The following ZBTB7C variants were observed in gnomAD, a reference collection of about 807,000 sequenced individuals.
ZBTB7C encodes the protein zinc finger and BTB domain containing 7C, also known as zinc finger and BTB domain-containing protein 7C.
In ZBTB7C, 8 loss-of-function variants were observed where a neutral mutation model predicts 25.7. That is an observed-to-expected ratio of 0.31 (90% CI 0.18 to 0.56). The LOEUF (loss-of-function observed/expected upper bound fraction) is 0.56. ZBTB7C is among the 20% of genes least tolerant of loss of function. The probability of loss-of-function intolerance (pLI) is 0.91; values close to 1 mark genes in which losing one functional copy is unlikely to be tolerated. For missense variants in ZBTB7C, 824 were observed against 855.2 expected, an observed-to-expected ratio of 0.96 and a Z score of 0.46; for synonymous variants, 394 against 369.0, an observed-to-expected ratio of 1.07 and a Z score of -0.78.
At chr18:48,146,022 C>T (rs1365893468) in intron 3 of ZBTB7C, among the ~76,000 whole-genome samples, 2 of 152,060 alleles carry the variant, frequency 1.3e-5, no homozygotes, top group Non-Finnish European at 2.9e-5. Context: ...TACGATTATA[C>T]ATTTTGTATT....
intron 3 of ZBTB7C, among the ~76,000 whole-genome samples, chr18:48,133,558 T>G (rs1359525544): frequency 6.6e-6 from 1 of 151,962 alleles, no homozygotes; most frequent in African/African-American, 2.4e-5. Context: ...ACATGCAGAA[T>G]GTATGATATA....
intron 1 of ZBTB7C, among the ~76,000 whole-genome samples, chr18:48,350,324 C>T (rs1311812918): frequency 6.6e-6 from 1 of 152,186 alleles, no homozygotes; most frequent in Non-Finnish European, 1.5e-5. Context: ...GGCTGGTGCA[C>T]CTTCCTCCAT....
At chr18:48,074,836 C>T (rs1025246712) in intron 3 of ZBTB7C, among the ~76,000 whole-genome samples, 8 of 152,172 alleles carry the variant, frequency 5.3e-5, no homozygotes, top group Non-Finnish European at 8.8e-5. Context: ...GGATCAAGGA[C>T]GCTTGGCTTA....
At chr18:48,181,022 G>C (rs963046309) in intron 3 of ZBTB7C, among the ~76,000 whole-genome samples, 1 of 152,206 alleles carries the variant, frequency 6.6e-6, no homozygotes, top group African/African-American at 2.4e-5. Context: ...GTAAAAAGCA[G>C]ATAGTATAAG....
intron 1 of ZBTB7C, among the ~76,000 whole-genome samples, chr18:48,389,189 ACTCTCTCTCTCTCTCT>A (rs757520664): frequency 7.2e-4 from 46 of 64,120 alleles, no homozygotes; most frequent in Middle Eastern, 0.022. Flanking sequence ...GAGCCCTTTA[ACTCTCTCTCTCTCTCT>A]CTCTCTCTCT....
intron 2 of ZBTB7C, among the ~76,000 whole-genome samples, chr18:48,219,985 G>T (rs1416931346): frequency 1.3e-5 from 2 of 152,160 alleles, no homozygotes; most frequent in Non-Finnish European, 2.9e-5. Flanking sequence ...CCTCACACTG[G>T]GGTGTTGGCC....
chr18:48,267,064 T>C (rs533700279), intron 2 of ZBTB7C, among the ~76,000 whole-genome samples: 136 of 152,324 alleles, frequency 8.9e-4, no homozygotes, highest in African/African-American at 3.1e-3. Context: ...GTTGCAAATA[T>C]GGCTGCAGTG....
At chr18:48,225,892 A>G (rs879896787) in intron 2 of ZBTB7C, among the ~76,000 whole-genome samples, 2 of 152,088 alleles carry the variant, frequency 1.3e-5, no homozygotes, top group African/African-American at 2.4e-5. Context: ...ACAGGCAGAC[A>G]CCACCACGCC....
chr18:48,307,246 C>T (rs1041299673), intron 2 of ZBTB7C, among the ~76,000 whole-genome samples: 1 of 152,214 alleles, frequency 6.6e-6, no homozygotes, highest in South Asian at 2.1e-4. Flanking sequence ...TTCCAGGCTC[C>T]GTGTTCTACG....
rs1281353449 is a variant in ZBTB7C at position 48,390,388 on chromosome 18, AAG to A, written c.-304+18836_-304+18837del. ...CAGAATTCATTTCTTTGATCTAGAA[AAG>A]AGTGTCATTTTTTAAATTAGTTTTT... is the stretch of plus-strand genomic sequence containing the variant. On this transcript the variant is annotated intron_variant, in intron 1 of 4. Coordinates refer to ENST00000590800, the MANE Select transcript of ZBTB7C (RefSeq NM_001318841.2). 3.9e-5 allele frequency among the ~76,000 whole-genome samples: 6 copies of A among 152,270 alleles called. No individual in the cohort carries two copies. In the South Asian group the frequency reaches 8.3e-4, roughly 21 times the overall value.
chr18:48,044,484 G>A (rs1324280827), intron 3 of ZBTB7C, among the ~76,000 whole-genome samples: 2 of 152,266 alleles, frequency 1.3e-5, no homozygotes, highest in Admixed American at 6.5e-5. Flanking sequence ...CTCCTTTGGG[G>A]CTGCCATGCC....
intron 3 of ZBTB7C, among the ~76,000 whole-genome samples, chr18:48,050,853 C>T (rs529545362): frequency 3.3e-5 from 5 of 152,296 alleles, no homozygotes; most frequent in African/African-American, 1.2e-4. Flanking sequence ...TGCCACATGC[C>T]TGTTGAGCTT....
chr18:48,285,353 C>T (rs1026445309), intron 2 of ZBTB7C, among the ~76,000 whole-genome samples: 9 of 152,140 alleles, frequency 5.9e-5, no homozygotes, highest in African/African-American at 2.2e-4. Context: ...TATTATATGT[C>T]CTAGCAGACT....
intron 1 of ZBTB7C, among the ~76,000 whole-genome samples, chr18:48,364,992 A>G (rs990512883): frequency 6.6e-6 from 1 of 152,226 alleles, no homozygotes; most frequent in Admixed American, 6.5e-5. Context: ...GAGAATGTGC[A>G]TTCTCAACAA....
At chr18:48,078,641 A>T (rs2037864491) in intron 3 of ZBTB7C, among the ~76,000 whole-genome samples, 1 of 152,198 alleles carries the variant, frequency 6.6e-6, no homozygotes, top group African/African-American at 2.4e-5. Flanking sequence ...CCATTCTCAC[A>T]CCAGAGTGGT....
intron 1 of ZBTB7C, among the ~76,000 whole-genome samples, chr18:48,344,900 G>T (rs1458661039): frequency 6.6e-6 from 1 of 152,200 alleles, no homozygotes; most frequent in African/African-American, 2.4e-5. Flanking sequence ...GGAAGAAGTT[G>T]TGTCATTTTT....
chr18:48,133,163 C>G (rs922913604), intron 3 of ZBTB7C, among the ~76,000 whole-genome samples: 6 of 152,194 alleles, frequency 3.9e-5, no homozygotes, highest in Non-Finnish European at 8.8e-5. Context: ...GTTCTGTGTT[C>G]CATGCACACA....
rs1568418477 is a variant in ZBTB7C at position 48,389,242 on chromosome 18, T to TC, written c.-304+19983_-304+19984insG. On this transcript the variant is annotated intron_variant, in intron 1 of 4. Coordinates refer to ENST00000590800, the MANE Select transcript of ZBTB7C (RefSeq NM_001318841.2). ...TCTCTCTCTCTCTCTCTCTCGTGTG[T>TC]GTGTGTGTGTGTGTGTGTGTGTGTG... Among the ~76,000 whole-genome samples the TC allele has an allele frequency of 7.1e-3, 653 of 92,380 alleles. 1 individual carries two copies. The highest frequency in any genetic ancestry group is 0.011 in the African/African-American group (240 of 22,526). The allele number at this position is 92,380 out of a possible 152,430, so 60.6% of individuals were successfully genotyped here.
intron 1 of ZBTB7C, among the ~76,000 whole-genome samples, chr18:48,352,381 G>A (rs780793512): frequency 1.3e-5 from 2 of 152,252 alleles, no homozygotes; most frequent in Non-Finnish European, 2.9e-5. Flanking sequence ...GGCCCTGGGG[G>A]CATCCGCAGT....
Sources: allele counts gnomAD v4.1 joint callset (sites outside exome capture counted in the v4.1 genomes callset), GRCh38; gene constraint gnomAD v4.1.1; transcripts MANE v1.5; gene names NCBI Gene and HGNC (gene_info 2026-07-23, HGNC 2026-07-21).